The following ASCC2 variants were observed in gnomAD, a reference collection of about 807,000 sequenced individuals.
The protein encoded by ASCC2 is activating signal cointegrator 1 complex subunit 2.
A neutral mutation model predicts 93.5 loss-of-function variants in ASCC2; 42 were observed. The observed-to-expected ratio is 0.45, with a 90% confidence interval of 0.35 to 0.58. The LOEUF (loss-of-function observed/expected upper bound fraction) is 0.58. Among genes scored for constraint, ASCC2 ranks in the 20% least tolerant of loss-of-function variants. The probability of loss-of-function intolerance (pLI) is 0.00; values close to 1 mark genes in which losing one functional copy is unlikely to be tolerated. For missense variants in ASCC2, 859 were observed against 977.6 expected, an observed-to-expected ratio of 0.88 and a Z score of 1.62; for synonymous variants, 364 against 384.2, an observed-to-expected ratio of 0.95 and a Z score of 0.62.
At chr22:29,813,805 T>A (rs2060539511) in intron 7 of ASCC2, among the ~76,000 whole-genome samples, 1 of 152,234 alleles carries the variant, frequency 6.6e-6, no homozygotes, top group Non-Finnish European at 1.5e-5. Flanking sequence ...CTTCCAGTTC[T>A]AAGATAATAC....
Position 29,815,854 on chromosome 22 carries a change from G to C in ASCC2, c.609+152C>G, listed in dbSNP as rs549589168. 1.6e-5 allele frequency: 11 copies of C among 667,984 alleles called. No individual in the cohort carries two copies. The South Asian group carries it at 2.1e-4, about 13-fold the overall frequency. The allele number at this position is 667,984 out of a possible 1,614,324, so 41.4% of individuals were successfully genotyped here. On this transcript the variant is annotated intron_variant, in intron 6 of 19. Coordinates refer to ENST00000307790, the MANE Select transcript of ASCC2 (RefSeq NM_032204.5). ...GGCAAATTTAAAGAGGTGTAGTCAG[G>C]GGTAAGACAAAGAGACTGTCTGGGG...
intron 19 of ASCC2, 55 bp from the exon 20 acceptor site, chr22:29,789,239 C>A (rs748090819): frequency 1.5e-5 from 24 of 1,603,506 alleles, no homozygotes; most frequent in Non-Finnish European, 1.8e-5. Context: ...GAGGCTCTGG[C>A]GGGAGAGCCC....
intron 2 of ASCC2, among the ~76,000 whole-genome samples, chr22:29,828,824 T>C (rs1363376495): frequency 6.6e-6 from 1 of 152,200 alleles, no homozygotes; most frequent in Non-Finnish European, 1.5e-5. Flanking sequence ...ATGATGATAG[T>C]TTCATGCATG....
chr22:29,801,188 A>G, intron 14 of ASCC2, 78 bp from the exon 15 acceptor site: 3 of 1,479,576 alleles, frequency 2.0e-6, no homozygotes, highest in Non-Finnish European at 2.7e-6. Context: ...CCCCTGCTGT[A>G]TTAAATCCAT....
chr22:29,805,615 C>G (rs2059583925), intron 12 of ASCC2, among the ~76,000 whole-genome samples: 1 of 152,174 alleles, frequency 6.6e-6, no homozygotes, highest in Non-Finnish European at 1.5e-5. Flanking sequence ...TGCTGGCCTT[C>G]ACCTCACCTG....
At chr22:29,792,801 T>C (rs1246407719) in intron 17 of ASCC2, among the ~76,000 whole-genome samples, 2 of 151,450 alleles carry the variant, frequency 1.3e-5, no homozygotes, top group Non-Finnish European at 3.0e-5. Flanking sequence ...TGCTTGGATC[T>C]GTATTGGGGA....
At chr22:29,792,593 C>T (rs1256696367) in intron 17 of ASCC2, 58 bp from the exon 18 acceptor site, 26 of 1,604,954 alleles carry the variant, frequency 1.6e-5, no homozygotes, top group Admixed American at 1.5e-4. Context: ...GCAAGAGCCA[C>T]AAGGAGGAGG....
intron 15 of ASCC2, among the ~76,000 whole-genome samples, chr22:29,796,012 G>A (rs112212124): frequency 0.011 from 1,732 of 152,086 alleles, 31 homozygotes; most frequent in African/African-American, 0.037. Flanking sequence ...AGAGGCAGGC[G>A]TCTGAGTCCA....
chr22:29,801,035 G>A lies in ASCC2; in HGVS notation c.1644C>T (p.Phe548=). The change falls in exon 15 of 20, where the codon TTC becomes TTT. Residue 548 remains phenylalanine, a synonymous_variant. Transcript: ENST00000307790. ...NVFQNDEFDV[F]SRDSVDLSRV... ...GGCTCAGGTCTACTGAGTCCCTGCTGAACACATCAAACTCGTCATTCTGGA... is the reference window on the plus strand; with the variant it reads ...GGCTCAGGTCTACTGAGTCCCTGCTAAACACATCAAACTCGTCATTCTGGA... The A allele has an allele frequency of 1.2e-6, 2 of 1,609,266 alleles. No homozygotes were observed. Among genetic ancestry groups the A allele is most frequent in the South Asian group, 1.1e-5 (1 of 90,844 alleles).
chr22:29,788,861 T>G lies in ASCC2; in HGVS notation c.*152A>C, dbSNP rs1601748915. 2.3e-6 allele frequency: 2 copies of G among 884,410 alleles called. No homozygotes were observed. The highest frequency in any genetic ancestry group is 1.8e-6 in the Non-Finnish European group (1 of 571,108). The allele number at this position is 884,410 out of a possible 1,614,324, so 54.8% of individuals were successfully genotyped here. Reference sequence around the variant, plus strand: ...CAGGAAGGCGCTCATGGCTGGCTGGTAGATGAGAGGCGGCCTTCTCAGGGG... The same window carrying G: ...CAGGAAGGCGCTCATGGCTGGCTGGGAGATGAGAGGCGGCCTTCTCAGGGG... On this transcript the variant is annotated 3_prime_UTR_variant, in exon 20 of 20. Coordinates refer to ENST00000307790, the MANE Select transcript of ASCC2 (RefSeq NM_032204.5).
intron 12 of ASCC2, among the ~76,000 whole-genome samples, chr22:29,805,926 C>T (rs2059623514): frequency 6.6e-6 from 1 of 151,984 alleles, no homozygotes; most frequent in South Asian, 2.1e-4. Context: ...TACTTGTCCA[C>T]CTCCCCTCCT....
At chr22:29,832,585 CA>C in intron 1 of ASCC2, 1 of 329,692 alleles carries the variant, frequency 3.0e-6, no homozygotes, top group Non-Finnish European at 5.5e-6. Context: ...TATTTCCACC[CA>C]CTTTTTTTTT....
intron 15 of ASCC2, among the ~76,000 whole-genome samples, chr22:29,796,050 C>A (rs935036848): frequency 6.6e-6 from 1 of 151,890 alleles, no homozygotes; most frequent in Non-Finnish European, 1.5e-5. Flanking sequence ...ATCTGCCTGG[C>A]AGCCAGGGCA....
chr22:29,792,571 GT>G, intron 17 of ASCC2, 36 bp from the exon 18 acceptor site: 1 of 1,611,292 alleles, frequency 6.2e-7, no homozygotes, highest in Non-Finnish European at 8.5e-7. Context: ...CAAAGACGAG[GT>G]TCAACCAGGA....
intron 18 of ASCC2, among the ~76,000 whole-genome samples, chr22:29,791,684 A>G (rs1431854412): frequency 1.3e-5 from 2 of 152,076 alleles, no homozygotes; most frequent in African/African-American, 4.8e-5. Context: ...GCCATCTCCA[A>G]AACAACAACA....
At chr22:29,811,018 A>C (rs1390318860) in intron 8 of ASCC2, among the ~76,000 whole-genome samples, 2 of 152,196 alleles carry the variant, frequency 1.3e-5, no homozygotes, top group Non-Finnish European at 2.9e-5. Context: ...GCCATGAGCC[A>C]CTGCGCCTGG....
chr22:29,826,967 G>A (rs897608406), intron 2 of ASCC2, among the ~76,000 whole-genome samples: 1 of 151,568 alleles, frequency 6.6e-6, no homozygotes, highest in Non-Finnish European at 1.5e-5. Context: ...GCATGGTGGC[G>A]GGCGCCTGTA....
At chr22:29,827,097 C>CA (rs58520896) in intron 2 of ASCC2, among the ~76,000 whole-genome samples, 14,228 of 56,168 alleles carry the variant, frequency 0.25, 1,754 homozygotes, top group East Asian at 0.51. Context: ...GACTCCATCT[C>CA]AAAAAAAAAA....
At chr22:29,838,049 T>C in intron 1 of ASCC2, 129 bp downstream of exon 1, 2 of 410,032 alleles carry the variant, frequency 4.9e-6, no homozygotes, top group East Asian at 1.5e-4. Flanking sequence ...TCACAACCCC[T>C]CAGGTAGCGT....
Sources: allele counts gnomAD v4.1 joint callset (sites outside exome capture counted in the v4.1 genomes callset), GRCh38; gene constraint gnomAD v4.1.1; transcripts MANE v1.5; gene names NCBI Gene and HGNC (gene_info 2026-07-23, HGNC 2026-07-21).